POU2F2: variants seen among roughly 807,000 people sequenced by gnomAD.
The protein encoded by POU2F2 is POU class 2 homeobox 2.
Under a neutral mutation model 63.5 loss-of-function variants are expected in POU2F2, and 14 were observed. The observed-to-expected ratio is 0.22, with a 90% CI of 0.15 to 0.34. POU2F2 has a LOEUF of 0.34. Among genes scored for constraint, POU2F2 ranks in the 10% least tolerant of loss-of-function variants. The pLI is 1.00. For missense variants in POU2F2, 607 were observed against 815.2 expected (o/e 0.74, Z 3.11); for synonymous variants, 306 against 348.6 (o/e 0.88, Z 1.36).
intron 1 of POU2F2, among the ~76,000 whole-genome samples, chr19:42,181,776 C>T (rs962465562): frequency 1.3e-5 from 2 of 151,900 alleles, no homozygotes; most frequent in Admixed American, 6.6e-5. Context: ...TTAGTAGAGA[C>T]GGGGTTTCAC....
At chr19:42,148,553 G>C (rs2034277980) in intron 2 of POU2F2, among the ~76,000 whole-genome samples, 7 of 152,132 alleles carry the variant, frequency 4.6e-5, no homozygotes, top group Admixed American at 3.9e-4. Flanking sequence ...TTGGTGTTGG[G>C]TGGAGGTGAC....
chr19:42,147,192 A>C (rs946541274), intron 2 of POU2F2, among the ~76,000 whole-genome samples: 6 of 152,044 alleles, frequency 3.9e-5, no homozygotes, highest in African/African-American at 1.5e-4. Flanking sequence ...ACCCCTGCTG[A>C]CACCTCTCAT....
intron 1 of POU2F2, among the ~76,000 whole-genome samples, chr19:42,191,773 G>A (rs1322724479): frequency 1.3e-5 from 2 of 152,152 alleles, no homozygotes; most frequent in Non-Finnish European, 2.9e-5. Context: ...GCAGGTGCTG[G>A]GATCAGAGAG....
In POU2F2 at chr19:42,088,990, C is replaced by T. The variant is rs969458109; in HGVS notation, c.*2267G>A. On this transcript the variant is annotated 3_prime_UTR_variant, in exon 15 of 15. Transcript: ENST00000692977. ...AAAAAGAGAACGCTGAGGCCTGGAG[C>T]TCCATCTGCCTCTCCTCAGAGTGTC... is the stretch of plus-strand genomic sequence containing the variant. 2 of 152,590 alleles carry T rather than the reference C, an allele frequency of 1.3e-5. No homozygotes were observed. The highest frequency in any genetic ancestry group is 4.8e-5 in the African/African-American group (2 of 41,454). The allele number at this position is 152,590 out of a possible 1,614,324, so 9.5% of individuals were successfully genotyped here. A position where few individuals can be genotyped will look rare whatever the true frequency, so the allele number is the denominator to read the frequency against.
intron 1 of POU2F2, among the ~76,000 whole-genome samples, chr19:42,187,321 C>T (rs948532247): frequency 6.6e-6 from 1 of 151,358 alleles, no homozygotes; most frequent in Non-Finnish European, 1.5e-5. Flanking sequence ...AAAAATTAGT[C>T]GGGCGTGGTG....
chr19:42,100,076 C>CCTTT (rs1201868436), intron 5 of POU2F2, among the ~76,000 whole-genome samples: 9 of 147,142 alleles, frequency 6.1e-5, no homozygotes, highest in South Asian at 2.2e-4. Context: ...CTTTATTTAC[C>CCTTT]CTTTCTTTCT....
intron 5 of POU2F2, among the ~76,000 whole-genome samples, chr19:42,114,742 T>A (rs2031622577): frequency 6.6e-6 from 1 of 151,988 alleles, no homozygotes; most frequent in Non-Finnish European, 1.5e-5. Context: ...GCCTCAGCTG[T>A]GGGGAGGATT....
chr19:42,092,552 G>T lies in POU2F2; in HGVS notation c.1265-282C>A, dbSNP rs981351294. Among the ~76,000 whole-genome samples, 1 of 152,204 alleles carries T rather than the reference G, an allele frequency of 6.6e-6. No individual in the cohort carries two copies. Among genetic ancestry groups the T allele is most frequent in the African/African-American group, 2.4e-5 (1 of 41,452 alleles). On this transcript the variant is annotated intron_variant, in intron 12 of 14. Coordinates refer to ENST00000692977, the MANE Select transcript of POU2F2 (RefSeq NM_001394376.1). This position sits in a 1 kb window ranked among gnomAD's most constrained non-coding sequence, Gnocchi z 5.0. ...CACTTTTTTACCGACTAGAAACGGG[G>T]GTGCCCAGGAGACAAAGCCCTATGG... is the stretch of plus-strand genomic sequence containing the variant.
rs113131045 is a variant in POU2F2 at position 42,149,137 on chromosome 19, G to A, written c.-9+11195C>T. On this transcript the variant is annotated intron_variant, in intron 2 of 6. Transcript: ENST00000524801. ...GGCAACATAATCCACAGGGGAGGCC[G>A]TAAACACCCTTGGAGTAGCTCGCTT... is the stretch of plus-strand genomic sequence containing the variant. Among the ~76,000 whole-genome samples, 230 of 152,260 alleles carry A rather than the reference G, an allele frequency of 1.5e-3. 1 individual carries two copies. The highest frequency in any genetic ancestry group is 5.0e-3 in the African/African-American group (209 of 41,546).
intron 2 of POU2F2, among the ~76,000 whole-genome samples, chr19:42,150,650 C>T (rs1364447207): frequency 1.3e-5 from 2 of 151,996 alleles, no homozygotes; most frequent in African/African-American, 2.4e-5. Context: ...CTGCACCCCC[C>T]TCCCTGCCTC....
rs1326640814 is a variant in POU2F2 at position 42,088,236 on chromosome 19, T to G, written c.*3021A>C. 1 of 152,212 alleles carries G rather than the reference T, an allele frequency of 6.6e-6. No homozygotes were observed. Among genetic ancestry groups the G allele is most frequent in the Non-Finnish European group, 1.5e-5 (1 of 68,068 alleles). 9.4% of individuals were successfully genotyped at this position (152,212 alleles called of 1,614,324 possible). ...GTAGTTAAAGCTTGGGATTTGGTTATTTTTCCCCCTCCCAGGAATTTTTTT... is the reference window on the plus strand; with the variant it reads ...GTAGTTAAAGCTTGGGATTTGGTTAGTTTTCCCCCTCCCAGGAATTTTTTT... On this transcript the variant is annotated 3_prime_UTR_variant, in exon 15 of 15. Coordinates refer to ENST00000692977, the MANE Select transcript of POU2F2 (RefSeq NM_001394376.1).
Position 42,092,937 on chromosome 19 carries a change from T to C in POU2F2, c.1265-667A>G, listed in dbSNP as rs1035583785. On this transcript the variant is annotated intron_variant, in intron 12 of 14. Coordinates refer to ENST00000692977, the MANE Select transcript of POU2F2 (RefSeq NM_001394376.1). The surrounding 1 kb of genome is among the most constrained non-coding windows in gnomAD (Gnocchi z 5.0). Reference sequence around the variant, plus strand: ...GAGGGGCAACGTGTTGTTTTATGTGTATATATATTATGTGTATATATATTA... The same window carrying C: ...GAGGGGCAACGTGTTGTTTTATGTGCATATATATTATGTGTATATATATTA... Among the ~76,000 whole-genome samples, 1 of 150,182 alleles carries C rather than the reference T, an allele frequency of 6.7e-6. No homozygotes were observed. Among genetic ancestry groups the C allele is most frequent in the Non-Finnish European group, 1.5e-5 (1 of 67,668 alleles).
chr19:42,132,348 T>C, intron 1 of POU2F2, 36 bp downstream of exon 1: 39 of 1,583,536 alleles, frequency 2.5e-5, no homozygotes, highest in Non-Finnish European at 3.3e-5. Flanking sequence ...GTGCTGCCTG[T>C]CCTCTGAGCA....
upstream of POU2F2, among the ~76,000 whole-genome samples, chr19:42,177,513 A>G (rs971227744): frequency 2.6e-5 from 4 of 151,976 alleles, no homozygotes; most frequent in Non-Finnish European, 4.4e-5. Flanking sequence ...ACAGAGACAC[A>G]GAGAGACACA....
At chr19:42,122,421 A>G (rs1323438768) in intron 2 of POU2F2, 43 bp from the exon 3 acceptor site, 2 of 1,601,190 alleles carry the variant, frequency 1.2e-6, no homozygotes, top group South Asian at 2.2e-5. Context: ...AGCCACCCCC[A>G]CCACACCTGT....
upstream of POU2F2, among the ~76,000 whole-genome samples, chr19:42,177,602 A>G (rs1459999553): frequency 6.6e-6 from 1 of 152,066 alleles, no homozygotes; most frequent in East Asian, 1.9e-4. Flanking sequence ...GGGGACACGG[A>G]GACAAGGACA....
chr19:42,099,457 C>T lies in POU2F2; in HGVS notation c.567+70G>A, dbSNP rs2077044934. 5 of 1,362,890 alleles carry T rather than the reference C, an allele frequency of 3.7e-6. No individual in the cohort carries two copies. In the East Asian group the frequency reaches 1.2e-4, roughly 32 times the overall value. 84.4% of individuals were successfully genotyped at this position (1,362,890 alleles called of 1,614,324 possible). Reference sequence around the variant, plus strand: ...AAAGGAGACTCTCACTCATCCCCCACCCCCGTTTACCCAGCTTTCAGCAGG... The same window carrying T: ...AAAGGAGACTCTCACTCATCCCCCATCCCCGTTTACCCAGCTTTCAGCAGG... On this transcript the variant is annotated intron_variant, in intron 7 of 14. Coordinates refer to ENST00000692977, the MANE Select transcript of POU2F2 (RefSeq NM_001394376.1).
chr19:42,094,592 A>G (rs761762984), intron 11 of POU2F2, among the ~76,000 whole-genome samples: 1 of 152,096 alleles, frequency 6.6e-6, no homozygotes. Context: ...CTCCTTCCCC[A>G]ACCTCATTCA....
At position 42,092,653 on chromosome 19, in the gene POU2F2, G is replaced by A; in HGVS notation, c.1265-383C>T. On this transcript the variant is annotated intron_variant, in intron 12 of 14. Transcript: ENST00000692977. The surrounding 1 kb of genome is among the most constrained non-coding windows in gnomAD (Gnocchi z 5.0). The stretch of plus-strand genomic sequence containing the variant: ...TCTGAGGGATGGGCAACCTGGCAGG[G>A]GCTGAGGGCCCAGACTCAGCCAGAC... Among the ~76,000 whole-genome samples the A allele has an allele frequency of 6.6e-6, 1 of 151,844 alleles. No homozygotes were observed. Among genetic ancestry groups the A allele is most frequent in the East Asian group, 1.9e-4 (1 of 5,146 alleles).
Sources: gnomAD v4.1 joint callset for allele counts (sites outside exome capture counted in the v4.1 genomes callset) on GRCh38, gnomAD v4.1.1 for gene constraint, Gnocchi (gnomAD v3.1) non-coding constraint, MANE v1.5 for transcripts, NCBI Gene and HGNC (gene_info 2026-07-23, HGNC 2026-07-21) for gene names.